ARHGAP26: variants seen among roughly 807,000 people sequenced by gnomAD.
The protein encoded by ARHGAP26 is rho GTPase-activating protein 26.
Under a neutral mutation model 104.8 loss-of-function variants are expected in ARHGAP26, and 38 were observed. The observed-to-expected ratio is 0.36, with a 90% CI of 0.28 to 0.48. The LOEUF is 0.48. ARHGAP26 is among the 20% of genes least tolerant of loss of function. ARHGAP26 has a pLI of 0.99. For synonymous variants in ARHGAP26, 341 were observed against 340.0 expected, an observed-to-expected ratio of 1.00 and a Z score of -0.03; for missense variants, 704 against 947.9, an observed-to-expected ratio of 0.74 and a Z score of 3.38.
chr5:143,041,653 G>T, intron 13 of ARHGAP26, 163 bp from the exon 14 acceptor site: 1 of 601,978 alleles, frequency 1.7e-6, no homozygotes, highest in Non-Finnish European at 3.0e-6. Context: ...AATCCCACTC[G>T]TTTGCTAAGA....
intron 18 of ARHGAP26, among the ~76,000 whole-genome samples, chr5:143,122,185 C>G (rs1041703907): frequency 1.3e-5 from 2 of 152,138 alleles, no homozygotes; most frequent in Non-Finnish European, 2.9e-5. Flanking sequence ...CAGTGGCTTC[C>G]CATTTCATAC....
chr5:143,169,834 T>A (rs965269545), intron 20 of ARHGAP26: 1 of 152,192 alleles, frequency 6.6e-6, no homozygotes, highest in African/African-American at 2.4e-5. Flanking sequence ...GACTTTACAC[T>A]CCAGGATCCA....
chr5:142,864,205 G>A (rs369730310), intron 1 of ARHGAP26, among the ~76,000 whole-genome samples: 2 of 152,044 alleles, frequency 1.3e-5, no homozygotes, highest in African/African-American at 2.4e-5. Context: ...GCCTGTGAAC[G>A]CTGTCAGTCT....
rs146423271 is a variant in ARHGAP26, at chr5:142,796,675, G to C, written c.154+25760G>C. On this transcript the variant is annotated intron_variant, in intron 1 of 22. Coordinates refer to ENST00000645722, the MANE Select transcript of ARHGAP26 (RefSeq NM_001135608.3). ...GTCTTGATAGGGCTTTCTGAGCCCT[G>C]TGGACTCTGGCCCCTGCCAGCTCCT... is the stretch of plus-strand genomic sequence containing the variant. Among the ~76,000 whole-genome samples, 679 of 152,352 alleles carry C rather than the reference G, an allele frequency of 4.5e-3. 8 individuals carry two copies. Among genetic ancestry groups the C allele is most frequent in the African/African-American group, 0.015 (626 of 41,576 alleles).
intron 17 of ARHGAP26, among the ~76,000 whole-genome samples, chr5:143,089,496 G>A (rs1012716354): frequency 6.6e-6 from 1 of 152,200 alleles, no homozygotes; most frequent in Non-Finnish European, 1.5e-5. Flanking sequence ...ACTTCCATCA[G>A]GGGTGGTGGT....
At chr5:142,989,067 A>T (rs1045411104) in intron 11 of ARHGAP26, among the ~76,000 whole-genome samples, 1 of 152,148 alleles carries the variant, frequency 6.6e-6, no homozygotes. Context: ...TGCCTCGTTG[A>T]TCTGTCTAAT....
chr5:143,209,728 C>T (rs544535522), intron 21 of ARHGAP26, among the ~76,000 whole-genome samples: 2 of 151,976 alleles, frequency 1.3e-5, no homozygotes, highest in African/African-American at 4.8e-5. Flanking sequence ...TTGCAGTGAG[C>T]CAAGATCGTG....
intron 11 of ARHGAP26, among the ~76,000 whole-genome samples, chr5:142,969,726 G>T (rs1275857491): frequency 6.6e-6 from 1 of 152,192 alleles, no homozygotes; most frequent in African/African-American, 2.4e-5. Context: ...GGACTAAGCT[G>T]TGGGTCCTCT....
chr5:142,813,987 A>G (rs564170331), intron 1 of ARHGAP26, among the ~76,000 whole-genome samples: 1 of 152,198 alleles, frequency 6.6e-6, no homozygotes, highest in East Asian at 1.9e-4. Flanking sequence ...CTTGGTGGCC[A>G]CCATTACTAG....
intron 11 of ARHGAP26, among the ~76,000 whole-genome samples, chr5:142,959,359 G>A (rs1391875191): frequency 6.6e-6 from 1 of 152,204 alleles, no homozygotes; most frequent in Non-Finnish European, 1.5e-5. Context: ...TAGTTCTGAA[G>A]CTCAGAAATC....
In ARHGAP26 at chr5:142,871,703, T is replaced by C. The variant is rs1755333297; in HGVS notation, c.155-1697T>C. On this transcript the variant is annotated intron_variant, in intron 1 of 22. Coordinates refer to ENST00000645722, the MANE Select transcript of ARHGAP26 (RefSeq NM_001135608.3). The surrounding 1 kb of genome is among the most constrained non-coding windows in gnomAD (Gnocchi z 4.1). ...CGGTGTTCTGGCTTTTGGGTGCATC[T>C]GTTTCCTTCCTGGCTTGCCTTTTGT... 1.3e-5 allele frequency among the ~76,000 whole-genome samples: 2 copies of C among 152,224 alleles called. No homozygotes were observed. The highest frequency in any genetic ancestry group is 2.9e-5 in the Non-Finnish European group (2 of 68,034).
At chr5:143,050,827 G>A (rs376682489) in intron 14 of ARHGAP26, among the ~76,000 whole-genome samples, 5 of 152,240 alleles carry the variant, frequency 3.3e-5, no homozygotes, top group Admixed American at 2.6e-4. Context: ...TAGCAATACG[G>A]CTACTAATCA....
At chr5:143,160,390 G>A (rs1801070241) in intron 20 of ARHGAP26, among the ~76,000 whole-genome samples, 1 of 151,544 alleles carries the variant, frequency 6.6e-6, no homozygotes. Flanking sequence ...AAACTTTTTT[G>A]TGTTACCTCA....
intron 13 of ARHGAP26, among the ~76,000 whole-genome samples, chr5:143,038,223 A>G (rs1261170382): frequency 2.0e-5 from 3 of 152,360 alleles, no homozygotes; most frequent in East Asian, 1.9e-4. Flanking sequence ...AGCAGGATTC[A>G]TAACTTGCCA....
At chr5:142,987,893 T>C (rs984423321) in intron 11 of ARHGAP26, among the ~76,000 whole-genome samples, 1 of 152,148 alleles carries the variant, frequency 6.6e-6, no homozygotes, top group Non-Finnish European at 1.5e-5. Flanking sequence ...CTGGATTCGG[T>C]TTGCCAGTAT....
rs543368178 is a variant in ARHGAP26 at position 143,132,032 on chromosome 5, C to T, written c.1699-1935C>T. ...AGTTAGGAGTTTTTTCTTGCTTTTA[C>T]TTGGTTTCCTTCTCTTCTTATTCCC... On this transcript the variant is annotated intron_variant, in intron 18 of 22. Coordinates refer to ENST00000645722, the MANE Select transcript of ARHGAP26 (RefSeq NM_001135608.3). Among the ~76,000 whole-genome samples the T allele has an allele frequency of 3.3e-5, 5 of 152,126 alleles. No homozygotes were observed. The South Asian group carries it at 8.3e-4, about 25-fold the overall frequency.
chr5:143,178,324 C>A (rs1483157770), intron 20 of ARHGAP26, among the ~76,000 whole-genome samples: 1 of 152,096 alleles, frequency 6.6e-6, no homozygotes, highest in Non-Finnish European at 1.5e-5. Context: ...AACCTGTAAG[C>A]TCCTGTTCAA....
chr5:143,156,437 G>T (rs1205431822), intron 20 of ARHGAP26, among the ~76,000 whole-genome samples: 3 of 152,190 alleles, frequency 2.0e-5, no homozygotes, highest in African/African-American at 7.2e-5. Context: ...GGTTCTCAGA[G>T]TGTGGTCCTG....
chr5:143,201,029 C>G (rs1224848500), intron 20 of ARHGAP26, among the ~76,000 whole-genome samples: 1 of 152,236 alleles, frequency 6.6e-6, no homozygotes, highest in African/African-American at 2.4e-5. Context: ...TGCTGCCAAG[C>G]CTTTTAGCCT....
Sources: allele counts gnomAD v4.1 joint callset (sites outside exome capture counted in the v4.1 genomes callset), GRCh38; gene constraint gnomAD v4.1.1; non-coding constraint Gnocchi (gnomAD v3.1); transcripts MANE v1.5; gene names NCBI Gene and HGNC (gene_info 2026-07-23, HGNC 2026-07-21).